The following GLG1 variants were observed in gnomAD, a reference collection of about 807,000 sequenced individuals.
GLG1 encodes golgi glycoprotein 1, also known as Golgi apparatus protein 1.
Under a neutral mutation model 160.5 loss-of-function variants are expected in GLG1, and 38 were observed. The observed-to-expected ratio is 0.24, with a 90% CI of 0.18 to 0.31. GLG1 has a LOEUF of 0.31. Ranked by LOEUF, GLG1 falls within the 10% of genes least tolerant of loss-of-function variation. The pLI, the probability that GLG1 is intolerant of heterozygous loss-of-function variation, is 1.00. For synonymous variants in GLG1, 644 were observed against 543.4 expected (o/e 1.19, Z -2.57); for missense variants, 1,373 against 1,505.2 (o/e 0.91, Z 1.45).
At chr16:74,516,569 A>T (rs1179858889) in intron 2 of GLG1, among the ~76,000 whole-genome samples, 1 of 152,230 alleles carries the variant, frequency 6.6e-6, no homozygotes, top group Non-Finnish European at 1.5e-5. Flanking sequence ...TGTAGAGGGA[A>T]ATTTACAGCA....
At chr16:74,561,752 T>C (rs568875113) in intron 1 of GLG1, among the ~76,000 whole-genome samples, 1 of 152,174 alleles carries the variant, frequency 6.6e-6, no homozygotes, top group Non-Finnish European at 1.5e-5. Context: ...ATAAATGCAA[T>C]GTTAAGCATG....
chr16:74,532,847 T>C (rs1184173773), intron 1 of GLG1, among the ~76,000 whole-genome samples: 1 of 152,200 alleles, frequency 6.6e-6, no homozygotes, highest in Non-Finnish European at 1.5e-5. Context: ...ATTTTTAAAT[T>C]GGCCTAATGC....
intron 1 of GLG1, among the ~76,000 whole-genome samples, chr16:74,555,280 G>T (rs964405559): frequency 6.6e-6 from 1 of 152,144 alleles, no homozygotes; most frequent in Non-Finnish European, 1.5e-5. Context: ...TAGATTGACA[G>T]AACATAAAAT....
At chr16:74,599,841 G>A (rs1187713970) in intron 1 of GLG1, among the ~76,000 whole-genome samples, 1 of 151,228 alleles carries the variant, frequency 6.6e-6, no homozygotes, top group Non-Finnish European at 1.5e-5. Context: ...TCCAGCCTGG[G>A]TGACAGAGCT....
intron 1 of GLG1, among the ~76,000 whole-genome samples, chr16:74,599,697 T>C (rs1020368112): frequency 6.6e-6 from 1 of 152,156 alleles, no homozygotes; most frequent in South Asian, 2.1e-4. Context: ...ACCCCGTCTC[T>C]ACTAAAAATG....
At chr16:74,476,553 A>G (rs188703216) in intron 12 of GLG1, among the ~76,000 whole-genome samples, 8 of 152,328 alleles carry the variant, frequency 5.3e-5, no homozygotes, top group Non-Finnish European at 1.0e-4. Flanking sequence ...CAGAAACCTG[A>G]GTTCACTCCT....
At chr16:74,479,292 T>A (rs567086872) in intron 11 of GLG1, among the ~76,000 whole-genome samples, 8 of 138,704 alleles carry the variant, frequency 5.8e-5, no homozygotes, top group East Asian at 2.1e-4. Flanking sequence ...CACCTCAATT[T>A]AAAAAAAAAA....
chr16:74,564,691 A>C (rs1449079589), intron 1 of GLG1, among the ~76,000 whole-genome samples: 4 of 152,218 alleles, frequency 2.6e-5, no homozygotes, highest in Non-Finnish European at 5.9e-5. Context: ...CGAAGCTGTT[A>C]AACAAAATTG....
intron 2 of GLG1, among the ~76,000 whole-genome samples, chr16:74,521,231 G>A (rs779248523): frequency 6.6e-6 from 1 of 152,134 alleles, no homozygotes; most frequent in Admixed American, 6.6e-5. Context: ...TCAGAGAGTT[G>A]GTATTTGCAC....
intron 1 of GLG1, among the ~76,000 whole-genome samples, chr16:74,575,761 A>G (rs1023418517): frequency 1.2e-4 from 19 of 152,194 alleles, no homozygotes; most frequent in African/African-American, 3.9e-4. Context: ...GTAAATATAG[A>G]TATCAATGAG....
At chr16:74,480,048 A>G (rs1232900919) in intron 11 of GLG1, among the ~76,000 whole-genome samples, 193 bp downstream of exon 11, 1 of 152,214 alleles carries the variant, frequency 6.6e-6, no homozygotes, top group East Asian at 1.9e-4. Flanking sequence ...ACATAAAATC[A>G]GATGATAGAA....
chr16:74,575,170 TG>T lies in GLG1; in HGVS notation c.438+31486del, dbSNP rs1342753549. The stretch of plus-strand genomic sequence containing the variant: ...GCTGAGGCAGGGAATTACTTGAACC[TG>T]GGAGGCAGAGGCTGTAGTGAGCTGA... On this transcript the variant is annotated intron_variant, in intron 1 of 25. Transcript: ENST00000422840. 7.3e-5 allele frequency among the ~76,000 whole-genome samples: 11 copies of T among 150,366 alleles called. No individual in the cohort carries two copies. The East Asian group carries it at 2.0e-3, about 27-fold the overall frequency.
intron 1 of GLG1, among the ~76,000 whole-genome samples, chr16:74,556,153 T>A (rs559229747): frequency 7.9e-5 from 12 of 152,346 alleles, no homozygotes; most frequent in Admixed American, 3.3e-4. Flanking sequence ...GCCTACTTTA[T>A]ATTACAGTTA....
chr16:74,462,333 G>A (rs1433889839), intron 21 of GLG1, 138 bp from the exon 22 acceptor site: 3 of 813,426 alleles, frequency 3.7e-6, no homozygotes, highest in East Asian at 4.9e-5. Flanking sequence ...AAAACAAAAT[G>A]CCTGCTTTTG....
rs1352451063 is a variant in GLG1, at chr16:74,460,066, G to A, written c.3037-277C>T. On this transcript the variant is annotated intron_variant, in intron 22 of 25. Transcript: ENST00000422840. ...GACAGAGTCTTGCTCTTGTTGCCCA[G>A]GCTGAAGTACAATGGCACGATCTCG... is the stretch of plus-strand genomic sequence containing the variant. 3.3e-5 allele frequency among the ~76,000 whole-genome samples: 5 copies of A among 151,456 alleles called. No individual in the cohort carries two copies. The South Asian group carries it at 8.4e-4, about 25-fold the overall frequency.
At chr16:74,469,134 G>A (rs780430713) in intron 16 of GLG1, 71 bp from the exon 17 acceptor site, 93 of 933,336 alleles carry the variant, frequency 1.0e-4, no homozygotes, top group Non-Finnish European at 1.6e-4. Flanking sequence ...TGGGCTTGGG[G>A]GGGGTCACAC....
intron 1 of GLG1, among the ~76,000 whole-genome samples, chr16:74,551,185 T>G (rs1019483026): frequency 2.6e-5 from 4 of 152,226 alleles, no homozygotes; most frequent in Non-Finnish European, 2.9e-5. Flanking sequence ...GTCTGCTTCT[T>G]TTTCCTAAAT....
Position 74,540,075 on chromosome 16 carries a change from ATATATTTTATATATATAT to A in GLG1, c.439-7940_439-7923del, listed in dbSNP as rs1351662256. On this transcript the variant is annotated intron_variant, in intron 1 of 25. Coordinates refer to ENST00000422840, the MANE Select transcript of GLG1 (RefSeq NM_001145667.2). ...TATATATTTTATATATATATATTAT[ATATATTTTATATATATAT>A]TATATATATTTTATATATATATATT... 3.9e-3 allele frequency among the ~76,000 whole-genome samples: 3 copies of A among 764 alleles called. 1 individual carries two copies. Among genetic ancestry groups the A allele is most frequent in the Non-Finnish European group, 0.023 (2 of 86 alleles). The allele number at this position is 764 out of a possible 152,430, so 0.5% of individuals were successfully genotyped here.
At chr16:74,459,424 G>A (rs2014694263) in intron 23 of GLG1, among the ~76,000 whole-genome samples, 1 of 152,182 alleles carries the variant, frequency 6.6e-6, no homozygotes, top group African/African-American at 2.4e-5. Flanking sequence ...GTTGCAGTGA[G>A]ATCACGCCAC....
Sources: allele counts gnomAD v4.1 joint callset (sites outside exome capture counted in the v4.1 genomes callset), GRCh38; gene constraint gnomAD v4.1.1; transcripts MANE v1.5; gene names NCBI Gene and HGNC (gene_info 2026-07-23, HGNC 2026-07-21).